PHACTR4: variants seen among roughly 807,000 people sequenced by gnomAD.
PHACTR4 encodes the protein protein phosphatase 1, regulatory subunit 124.
Under a neutral mutation model 72.7 loss-of-function variants are expected in PHACTR4, and 51 were observed. That is an observed-to-expected ratio of 0.70 (90% CI 0.56 to 0.89). The LOEUF (loss-of-function observed/expected upper bound fraction) is 0.89. Among genes scored for constraint, PHACTR4 ranks in the 40% least tolerant of loss-of-function variants. The pLI is 0.00. For missense variants in PHACTR4, 731 were observed against 861.8 expected, an observed-to-expected ratio of 0.85 and a Z score of 1.90; for synonymous variants, 255 against 302.5, an observed-to-expected ratio of 0.84 and a Z score of 1.63.
chr1:28,462,351 C>G (rs1658874771), intron 4 of PHACTR4, among the ~76,000 whole-genome samples: 1 of 151,888 alleles, frequency 6.6e-6, no homozygotes, highest in Non-Finnish European at 1.5e-5. Context: ...TTTCCATGGC[C>G]TTTCTTTTCA....
intron 1 of PHACTR4, among the ~76,000 whole-genome samples, chr1:28,405,473 C>T (rs943326873): frequency 2.0e-5 from 3 of 151,724 alleles, no homozygotes; most frequent in Non-Finnish European, 4.4e-5. Context: ...ACTACAGGTA[C>T]AGGCCACCAT....
intron 2 of PHACTR4, among the ~76,000 whole-genome samples, chr1:28,448,142 AC>A: frequency 6.6e-6 from 1 of 152,178 alleles, no homozygotes; most frequent in East Asian, 1.9e-4. Context: ...AACAGACTAA[AC>A]CATTATATTA....
chr1:28,407,065 C>T (rs1654385607), intron 1 of PHACTR4, among the ~76,000 whole-genome samples: 1 of 151,776 alleles, frequency 6.6e-6, no homozygotes, highest in South Asian at 2.1e-4. Context: ...TATTTTAAGA[C>T]AAAAATTAGC....
At chr1:28,419,453 CAT>C (rs1047967999) in intron 2 of PHACTR4, among the ~76,000 whole-genome samples, 14 of 151,436 alleles carry the variant, frequency 9.2e-5, no homozygotes, top group Non-Finnish European at 1.3e-4. Flanking sequence ...GTGTAAAAAA[CAT>C]ATATAAAGTG....
At chr1:28,371,046 A>G (rs984493959) in intron 1 of PHACTR4, among the ~76,000 whole-genome samples, 3 of 152,226 alleles carry the variant, frequency 2.0e-5, no homozygotes, top group Non-Finnish European at 4.4e-5. Context: ...TGGCTAGATA[A>G]TGGTAACTGT....
At chr1:28,375,110 C>A (rs1651543742) in intron 1 of PHACTR4, among the ~76,000 whole-genome samples, 1 of 152,098 alleles carries the variant, frequency 6.6e-6, no homozygotes, top group Non-Finnish European at 1.5e-5. Context: ...ACGAGCCTGG[C>A]CAACATGGCG....
chr1:28,435,777 G>A (rs531570487), intron 2 of PHACTR4, among the ~76,000 whole-genome samples: 1 of 152,276 alleles, frequency 6.6e-6, no homozygotes, highest in African/African-American at 2.4e-5. Context: ...AATATGTTGA[G>A]CACCTCCTGA....
At chr1:28,433,143 C>CT (rs112907463) in intron 2 of PHACTR4, 2 of 940,474 alleles carry the variant, frequency 2.1e-6, no homozygotes. Flanking sequence ...AATAAGTACT[C>CT]TAAAAAGGGA....
chr1:28,379,783 G>T lies in PHACTR4; in HGVS notation c.-39+9958G>T, dbSNP rs1190116558. The stretch of plus-strand genomic sequence containing the variant: ...TTTTTGTATTTTTAGTAGAGACGGG[G>T]TTTCACCGTGTTAGCCAGGATGATC... On this transcript the variant is annotated intron_variant, in intron 1 of 13. Coordinates refer to ENST00000373839, the MANE Select transcript of PHACTR4 (RefSeq NM_001048183.3). 6.0e-5 allele frequency among the ~76,000 whole-genome samples: 9 copies of T among 150,748 alleles called. No homozygotes were observed. In the East Asian group the frequency reaches 7.9e-4, roughly 13 times the overall value.
At chr1:28,412,282 G>C (rs1654840038) in intron 2 of PHACTR4, among the ~76,000 whole-genome samples, 1 of 152,110 alleles carries the variant, frequency 6.6e-6, no homozygotes, top group Non-Finnish European at 1.5e-5. Flanking sequence ...GAATAACATA[G>C]CTTGTTGTTC....
At chr1:28,376,065 A>G (rs11247792) in intron 1 of PHACTR4, among the ~76,000 whole-genome samples, 90,763 of 151,654 alleles carry the variant, frequency 0.6, 28,348 homozygotes, top group African/African-American at 0.74. Flanking sequence ...GCGAAACTCC[A>G]TCTCAAAAAA....
intron 2 of PHACTR4, among the ~76,000 whole-genome samples, chr1:28,442,807 ATT>A (rs139785009): frequency 1.3e-5 from 2 of 150,786 alleles, no homozygotes; most frequent in African/African-American, 2.4e-5. Context: ...TGCCTGGCAA[ATT>A]TTTTTTTTAA....
intron 2 of PHACTR4, among the ~76,000 whole-genome samples, chr1:28,445,729 A>C (rs994320266): frequency 1.6e-4 from 25 of 151,750 alleles, no homozygotes; most frequent in Non-Finnish European, 3.5e-4. Context: ...CCATCTCTAC[A>C]AAAAAAATGT....
rs1428552380 is a variant in PHACTR4, at chr1:28,499,951, A to G, written c.*3402A>G. 2.6e-5 allele frequency: 4 copies of G among 152,096 alleles called. No homozygotes were observed. The highest frequency in any genetic ancestry group is 5.9e-5 in the Non-Finnish European group (4 of 68,026). 9.4% of individuals were successfully genotyped at this position (152,096 alleles called of 1,614,324 possible). ...GCCAGATTTTTTGTGGCTTGAGATG[A>G]TATTTTCGAACCCTTCTTTCACTAC... is the stretch of plus-strand genomic sequence containing the variant. On this transcript the variant is annotated 3_prime_UTR_variant, in exon 14 of 14. Coordinates refer to ENST00000373839, the MANE Select transcript of PHACTR4 (RefSeq NM_001048183.3).
chr1:28,458,981 C>A, intron 2 of PHACTR4, 104 bp from the exon 3 acceptor site: 1 of 1,050,120 alleles, frequency 9.5e-7, no homozygotes, highest in Non-Finnish European at 1.3e-6. Context: ...TATCGTTGCT[C>A]CGATCCTTTC....
chr1:28,405,820 G>A (rs1311487872), intron 1 of PHACTR4, among the ~76,000 whole-genome samples: 13 of 151,840 alleles, frequency 8.6e-5, no homozygotes, highest in Admixed American at 8.5e-4. Context: ...GAACCCAGGA[G>A]GCAGAGGTTG....
chr1:28,405,988 T>C (rs1654298918), intron 1 of PHACTR4, among the ~76,000 whole-genome samples: 1 of 152,198 alleles, frequency 6.6e-6, no homozygotes, highest in African/African-American at 2.4e-5. Context: ...TATTTCACTT[T>C]ATGCCTCAAT....
In PHACTR4 at chr1:28,496,050, CTTTTTTTTTT is replaced by C. The variant is rs59019895; in HGVS notation, c.2094-469_2094-460del. Among the ~76,000 whole-genome samples, 3 of 88,776 alleles carry C rather than the reference CTTTTTTTTTT, an allele frequency of 3.4e-5. 1 individual carries two copies. The Middle Eastern group carries it at 0.025, about 740-fold the overall frequency. 58.2% of individuals were successfully genotyped at this position (88,776 alleles called of 152,430 possible). A position where few individuals can be genotyped will look rare whatever the true frequency, so the allele number is the denominator to read the frequency against. On this transcript the variant is annotated intron_variant, in intron 13 of 13. Coordinates refer to ENST00000373839, the MANE Select transcript of PHACTR4 (RefSeq NM_001048183.3). Reference sequence around the variant, plus strand: ...TGTTACAGAAGCCAAGAGAAGAGTTCTTTTTTTTTTTTTTTTTTTTTTTTGAGACGGAGTC... The same window carrying C: ...TGTTACAGAAGCCAAGAGAAGAGTTCTTTTTTTTTTTTTTGAGACGGAGTC...
In PHACTR4 at chr1:28,465,713, T is replaced by A. The variant is rs755320230; in HGVS notation, c.300T>A (p.Asp100Glu). 3.7e-6 allele frequency: 6 copies of A among 1,613,930 alleles called. No homozygotes were observed. Among genetic ancestry groups the A allele is most frequent in the Non-Finnish European group, 5.1e-6 (6 of 1,179,930 alleles). The part of the protein sequence containing the change: ...QGGEDPGKPS[D>E]AMLKNGHTTP... Reference sequence around the variant, plus strand: ...GTGAGGATCCAGGAAAGCCAAGCGATGCCATGTTAAAGAATGGCCATACCA... The same window carrying A: ...GTGAGGATCCAGGAAAGCCAAGCGAAGCCATGTTAAAGAATGGCCATACCA... The change falls in exon 5 of 14, where the codon GAT (aspartate) becomes GAA (glutamate). Residue 100 changes from aspartate (D) to glutamate (E), a missense_variant. Transcript: ENST00000373839.
Sources: gnomAD v4.1 joint callset for allele counts (sites outside exome capture counted in the v4.1 genomes callset) on GRCh38, gnomAD v4.1.1 for gene constraint, MANE v1.5 for transcripts, NCBI Gene and HGNC (gene_info 2026-07-23, HGNC 2026-07-21) for gene names.